Variants in CPS1 observed in about 807,000 individuals in gnomAD.
CPS1 encodes the protein carbamoyl-phosphate synthase [ammonia], mitochondrial.
CPS1 carries 109 observed loss-of-function variants against 174.6 expected under a neutral mutation model. That is an observed-to-expected ratio of 0.62 (90% CI 0.53 to 0.73). The LOEUF (loss-of-function observed/expected upper bound fraction) is 0.73, where lower values mean the gene tolerates loss of function less well. Among genes scored for constraint, CPS1 ranks in the 30% least tolerant of loss-of-function variants. The probability of loss-of-function intolerance (pLI) is 0.00; values close to 1 mark genes in which losing one functional copy is unlikely to be tolerated. For synonymous variants in CPS1, 637 were observed against 632.0 expected (o/e 1.01, Z -0.12); for missense variants, 1,689 against 1,821.9 (o/e 0.93, Z 1.33).
At position 210,650,473 on chromosome 2, in the gene CPS1, C is replaced by T. The variant is rs1253618743; in HGVS notation, c.3480+35C>T. 4 of 1,388,238 alleles carry T rather than the reference C, an allele frequency of 2.9e-6. No homozygotes were observed. The South Asian group carries it at 3.5e-5, about 12-fold the overall frequency. The allele number at this position is 1,388,238 out of a possible 1,614,324, so 86.0% of individuals were successfully genotyped here. A position where few individuals can be genotyped will look rare whatever the true frequency, so the allele number is the denominator to read the frequency against. On this transcript the variant is annotated intron_variant, in intron 28 of 37. Transcript: ENST00000233072. Reference sequence around the variant, plus strand: ...AATTTCTTTGTAGTGACTGTTATCTCTTAATAAACATGTAGTGACATTTAT... The same window carrying T: ...AATTTCTTTGTAGTGACTGTTATCTTTTAATAAACATGTAGTGACATTTAT...
chr2:210,562,868 GT>G (rs74421812), intron 1 of CPS1, among the ~76,000 whole-genome samples: 60,165 of 136,452 alleles, frequency 0.44, 12,089 homozygotes, highest in Middle Eastern at 0.58. Flanking sequence ...TTTAAATGGT[GT>G]TTTTTTTTTT....
At chr2:210,480,459 T>C (rs952418881) in intron 1 of CPS1, among the ~76,000 whole-genome samples, 12 of 152,232 alleles carry the variant, frequency 7.9e-5, no homozygotes, top group African/African-American at 2.9e-4. Context: ...AGCCCCTGTC[T>C]GCCAGCAAAG....
chr2:210,482,306 C>CT lies in CPS1; in HGVS notation c.3+4553dup, dbSNP rs767115699. Among the ~76,000 whole-genome samples the CT allele has an allele frequency of 6.1e-3, 875 of 144,408 alleles. 8 individuals carry two copies. The highest frequency in any genetic ancestry group is 0.019 in the Admixed American group (273 of 14,370). The allele number at this position is 144,408 out of a possible 152,430, so 94.7% of individuals were successfully genotyped here. A position where few individuals can be genotyped will look rare whatever the true frequency, so the allele number is the denominator to read the frequency against. Reference sequence around the variant, plus strand: ...AACTCTTGTAGACTACGTTGAATCCCTTTTTTTTTTTTTCTTTTGAGATGG... The same window carrying CT: ...AACTCTTGTAGACTACGTTGAATCCCTTTTTTTTTTTTTTCTTTTGAGATGG... On this transcript the variant is annotated intron_variant, in intron 1 of 38. Coordinates refer to the CPS1 transcript ENST00000430249.
At chr2:210,553,611 C>T (rs1163658674), upstream of CPS1, among the ~76,000 whole-genome samples, 1 of 151,946 alleles carries the variant, frequency 6.6e-6, no homozygotes, top group African/African-American at 2.4e-5. Context: ...TGCATTCATG[C>T]CTGTCACTCT....
At chr2:210,577,656 AGGCTGAAAT>A in intron 4 of CPS1, 146 bp downstream of exon 4, 1 of 738,304 alleles carries the variant, frequency 1.4e-6, no homozygotes, top group Non-Finnish European at 2.5e-6. Flanking sequence ...TACTACATAA[AGGCTGAAAT>A]GTCTGAATTC....
At chr2:210,533,791 TGAGGGATCATGCACCA>T (rs1419855938) in intron 1 of CPS1, among the ~76,000 whole-genome samples, 2 of 152,162 alleles carry the variant, frequency 1.3e-5, no homozygotes, top group Non-Finnish European at 2.9e-5. Flanking sequence ...GGAAGGAACC[TGAGGGATCATGCACCA>T]GACAGTGGCC....
rs1299968646 is a variant in CPS1 at position 210,616,597 on chromosome 2, G to A, written c.2687+56G>A. The A allele has an allele frequency of 3.9e-6, 4 of 1,024,774 alleles. No homozygotes were observed. The South Asian group carries it at 5.1e-5, about 13-fold the overall frequency. 63.5% of individuals were successfully genotyped at this position (1,024,774 alleles called of 1,614,324 possible). ...ACACCTTCAGTGCAATTTTTAAAGAGTCTTCTTCCTACTCTTAAGCATTTG... is the reference window on the plus strand; with the variant it reads ...ACACCTTCAGTGCAATTTTTAAAGAATCTTCTTCCTACTCTTAAGCATTTG... On this transcript the variant is annotated intron_variant, in intron 21 of 37. Coordinates refer to ENST00000233072, the MANE Select transcript of CPS1 (RefSeq NM_001875.5).
At chr2:210,518,717 A>ATT (rs939029876) in intron 1 of CPS1, among the ~76,000 whole-genome samples, 1 of 151,338 alleles carries the variant, frequency 6.6e-6, no homozygotes, top group African/African-American at 2.4e-5. Flanking sequence ...AGCTTCGGCT[A>ATT]TTTTTTTTTC....
chr2:210,514,304 C>T (rs1559057061), intron 1 of CPS1, among the ~76,000 whole-genome samples: 1 of 151,978 alleles, frequency 6.6e-6, no homozygotes, highest in Non-Finnish European at 1.5e-5. Context: ...ATTGATTCTT[C>T]CTATCCATGA....
chr2:210,543,741 G>A (rs1299172643), intron 1 of CPS1, among the ~76,000 whole-genome samples: 2 of 152,070 alleles, frequency 1.3e-5, no homozygotes, highest in African/African-American at 2.4e-5. Flanking sequence ...GAGGTATCAT[G>A]AGGTTTGGGA....
At chr2:210,561,635 T>C (rs1173253783) in intron 1 of CPS1, among the ~76,000 whole-genome samples, 1 of 152,184 alleles carries the variant, frequency 6.6e-6, no homozygotes, top group Non-Finnish European at 1.5e-5. Flanking sequence ...TATGCTACGC[T>C]GACTGCCCTT....
intron 1 of CPS1, among the ~76,000 whole-genome samples, chr2:210,568,524 A>G (rs1460811168): frequency 6.6e-6 from 1 of 152,110 alleles, no homozygotes; most frequent in Admixed American, 6.6e-5. Context: ...GTGTGAAGTT[A>G]ATTCTAAAAA....
intron 11 of CPS1, chr2:210,593,512 A>G: frequency 1.0e-6 from 1 of 987,158 alleles, no homozygotes; most frequent in South Asian, 4.7e-5. Context: ...AAATATTTTT[A>G]CTTTTTTGTG....
upstream of CPS1, among the ~76,000 whole-genome samples, chr2:210,554,640 C>A (rs1696843440): frequency 6.6e-6 from 1 of 151,664 alleles, no homozygotes; most frequent in South Asian, 2.1e-4. Context: ...TATTTTGCAT[C>A]CTAAAAAGTT....
At chr2:210,618,080 CCAGAAGG>C (rs1699372741) in intron 21 of CPS1, 1 of 151,916 alleles carries the variant, frequency 6.6e-6, no homozygotes, top group Non-Finnish European at 1.5e-5. Context: ...TTCGTTACAA[CCAGAAGG>C]CAGGTTGAGA....
chr2:210,525,704 G>A (rs539806477), intron 1 of CPS1, among the ~76,000 whole-genome samples: 30 of 151,592 alleles, frequency 2.0e-4, no homozygotes, highest in African/African-American at 7.0e-4. Flanking sequence ...TACCAGTGAT[G>A]GCTTGCAGGA....
intron 14 of CPS1, 43 bp downstream of exon 14, chr2:210,599,604 C>T: frequency 6.4e-7 from 1 of 1,559,020 alleles, no homozygotes; most frequent in South Asian, 1.1e-5. Context: ...GACATATGCA[C>T]TGCTGTGTAA....
intron 33 of CPS1, among the ~76,000 whole-genome samples, chr2:210,664,807 G>T (rs2105928135): frequency 6.6e-6 from 1 of 152,256 alleles, no homozygotes; most frequent in Middle Eastern, 3.4e-3. Flanking sequence ...TTAATTCCAA[G>T]TGTCATACAG....
At chr2:210,544,170 A>G (rs1696504596) in intron 1 of CPS1, among the ~76,000 whole-genome samples, 1 of 152,114 alleles carries the variant, frequency 6.6e-6, no homozygotes, top group African/African-American at 2.4e-5. Context: ...CTACTTATTG[A>G]CTAGCTTAGC....
Sources: gnomAD v4.1 joint callset for allele counts (sites outside exome capture counted in the v4.1 genomes callset) on GRCh38, gnomAD v4.1.1 for gene constraint, MANE v1.5 for transcripts, NCBI Gene and HGNC (gene_info 2026-07-23, HGNC 2026-07-21) for gene names.